Variants in ATP11A observed in about 807,000 individuals in gnomAD.
ATP11A encodes the protein ATPase phospholipid transporting 11A, also known as phospholipid-transporting ATPase IH.
In ATP11A, 81 loss-of-function variants were observed where a neutral mutation model predicts 154.4. That is an observed-to-expected ratio of 0.52 (90% CI 0.44 to 0.63). The LOEUF (loss-of-function observed/expected upper bound fraction) is 0.63, where lower values mean the gene tolerates loss of function less well. ATP11A is among the 30% of genes least tolerant of loss of function. The probability of loss-of-function intolerance (pLI) is 0.00; values close to 1 mark genes in which losing one functional copy is unlikely to be tolerated. For synonymous variants in ATP11A, 623 were observed against 585.9 expected (o/e 1.06, Z -0.91); for missense variants, 1,316 against 1,474.3 (o/e 0.89, Z 1.76).
chr13:112,805,902 C>T (rs1032074566), intron 3 of ATP11A, among the ~76,000 whole-genome samples: 1 of 151,750 alleles, frequency 6.6e-6, no homozygotes, highest in Admixed American at 6.6e-5. Flanking sequence ...TTATTCAAAT[C>T]ATGTAATTAA....
At chr13:112,766,501 G>A (rs904129326) in intron 1 of ATP11A, among the ~76,000 whole-genome samples, 4 of 152,146 alleles carry the variant, frequency 2.6e-5, no homozygotes, top group Non-Finnish European at 4.4e-5. Context: ...CGTCCAGAAG[G>A]TGCGTCCCGG....
rs530086946 is a variant in ATP11A at position 112,810,524 on chromosome 13, A to G, written c.334-95A>G. 1.3e-5 allele frequency: 13 copies of G among 1,012,162 alleles called. No individual in the cohort carries two copies. The South Asian group carries it at 1.5e-4, about 12-fold the overall frequency. 62.7% of individuals were successfully genotyped at this position (1,012,162 alleles called of 1,614,324 possible). A position where few individuals can be genotyped will look rare whatever the true frequency, so the allele number is the denominator to read the frequency against. The stretch of plus-strand genomic sequence containing the variant: ...CCCCACAGGCTTGGATTATGCTTAG[A>G]CATAATTAAACACAAGCCTTCTGTC... On this transcript the variant is annotated intron_variant, in intron 4 of 29. Transcript: ENST00000375645.
intron 1 of ATP11A, among the ~76,000 whole-genome samples, chr13:112,742,278 G>A (rs1566412154): frequency 6.6e-6 from 1 of 152,328 alleles, no homozygotes; most frequent in African/African-American, 2.4e-5. Context: ...CCCTTGGGGG[G>A]TGGGGGAGAC....
chr13:112,808,466 G>C (rs553622069), intron 4 of ATP11A, among the ~76,000 whole-genome samples: 1 of 151,998 alleles, frequency 6.6e-6, no homozygotes, highest in Non-Finnish European at 1.5e-5. Flanking sequence ...GTGTGTGCCA[G>C]AGCCCCCCCA....
chr13:112,881,457 G>A lies in ATP11A; in HGVS notation c.*10-419G>A, dbSNP rs59110136. On this transcript the variant is annotated intron_variant, in intron 29 of 29. Coordinates refer to ENST00000375645, the MANE Select transcript of ATP11A (RefSeq NM_015205.3). ...GTCTCTGGGTACCGGTATGGCGTTC[G>A]AGCTCACTGCACAGGAAGCCAGCTA... 7,390 of 1,068,934 alleles carry A rather than the reference G, an allele frequency of 6.9e-3. 406 individuals carry two copies. In the African/African-American group the frequency reaches 0.11, roughly 16 times the overall value. The allele number at this position is 1,068,934 out of a possible 1,614,324, so 66.2% of individuals were successfully genotyped here.
intron 5 of ATP11A, 78 bp downstream of exon 5, chr13:112,810,804 C>T: frequency 7.9e-7 from 1 of 1,261,612 alleles, no homozygotes; most frequent in Non-Finnish European, 1.1e-6. Flanking sequence ...GGTGCAGTGG[C>T]TCGCGCCTCC....
chr13:112,813,949 G>T (rs73569012), intron 5 of ATP11A, among the ~76,000 whole-genome samples: 1,682 of 152,106 alleles, frequency 0.011, 33 homozygotes, highest in African/African-American at 0.038. Flanking sequence ...ATATAATCTA[G>T]ATAGTAATAC....
chr13:112,863,339 G>A (rs71446662), intron 25 of ATP11A, among the ~76,000 whole-genome samples: 17 of 125,046 alleles, frequency 1.4e-4, no homozygotes, highest in South Asian at 8.3e-4. Flanking sequence ...TCCCAGCGGG[G>A]TCCATCACCA....
At chr13:112,804,706 A>G (rs999572772) in intron 2 of ATP11A, among the ~76,000 whole-genome samples, 11 of 151,948 alleles carry the variant, frequency 7.2e-5, no homozygotes, top group Admixed American at 1.3e-4. Flanking sequence ...TAATCAAACT[A>G]TTGTTGAGCT....
In ATP11A at chr13:112,818,250, G is replaced by A. The variant is rs374338027; in HGVS notation, c.571-1054G>A. ...GTGACGGGGCGGTGACCGTTGGTGCGCTTGGTGACGGGGCGATGACCGTTG... is the reference window on the plus strand; with the variant it reads ...GTGACGGGGCGGTGACCGTTGGTGCACTTGGTGACGGGGCGATGACCGTTG... On this transcript the variant is annotated intron_variant, in intron 6 of 29. Coordinates refer to ENST00000375645, the MANE Select transcript of ATP11A (RefSeq NM_015205.3). 1.7e-4 allele frequency among the ~76,000 whole-genome samples: 26 copies of A among 151,044 alleles called. No homozygotes were observed. The South Asian group carries it at 4.0e-3, about 23-fold the overall frequency.
At chr13:112,810,366 G>A (rs976203626) in intron 4 of ATP11A, among the ~76,000 whole-genome samples, 5 of 152,276 alleles carry the variant, frequency 3.3e-5, no homozygotes, top group East Asian at 1.9e-4. Flanking sequence ...TACACACTTC[G>A]ATGAGCATCT....
chr13:112,770,255 C>A (rs2077194659), intron 1 of ATP11A, among the ~76,000 whole-genome samples: 1 of 152,224 alleles, frequency 6.6e-6, no homozygotes, highest in Admixed American at 6.5e-5. Context: ...TGGCACCCCA[C>A]ATTTCCCAGG....
intron 1 of ATP11A, among the ~76,000 whole-genome samples, chr13:112,773,179 G>T (rs2077265995): frequency 6.6e-6 from 1 of 151,716 alleles, no homozygotes; most frequent in African/African-American, 2.4e-5. Flanking sequence ...ATCGCCTCTG[G>T]GTTCTGATGA....
intron 28 of ATP11A, among the ~76,000 whole-genome samples, chr13:112,876,332 G>C (rs767665581): frequency 1.3e-5 from 2 of 152,054 alleles, no homozygotes; most frequent in Non-Finnish European, 2.9e-5. Context: ...TGCTGGTATT[G>C]GTGGAGCTGC....
At chr13:112,775,415 C>A (rs2139971592) in intron 1 of ATP11A, among the ~76,000 whole-genome samples, 1 of 152,334 alleles carries the variant, frequency 6.6e-6, no homozygotes, top group Admixed American at 6.5e-5. Flanking sequence ...AGGAGGAACC[C>A]CTCCCAGCAG....
chr13:112,816,858 T>C (rs954983278), intron 6 of ATP11A, among the ~76,000 whole-genome samples: 1 of 152,218 alleles, frequency 6.6e-6, no homozygotes, highest in African/African-American at 2.4e-5. Context: ...ATTTAATGAA[T>C]AGATTGTTGG....
chr13:112,708,079 G>A (rs1594358754), intron 1 of ATP11A, among the ~76,000 whole-genome samples: 1 of 152,118 alleles, frequency 6.6e-6, no homozygotes, highest in African/African-American at 2.4e-5. Context: ...GGAAAAATTG[G>A]GCTGCGAAGT....
intron 5 of ATP11A, among the ~76,000 whole-genome samples, chr13:112,815,852 G>A (rs1243667180): frequency 6.6e-6 from 1 of 152,150 alleles, no homozygotes; most frequent in East Asian, 1.9e-4. Context: ...AGATAACCTT[G>A]TTACAGGTGT....
intron 18 of ATP11A, chr13:112,851,484 A>G (rs1045048044): frequency 1.4e-5 from 5 of 356,224 alleles, no homozygotes; most frequent in Non-Finnish European, 2.5e-5. Context: ...GTCATATCAT[A>G]TTATGAACAG....
Sources: gnomAD v4.1 joint callset for allele counts (sites outside exome capture counted in the v4.1 genomes callset) on GRCh38, gnomAD v4.1.1 for gene constraint, MANE v1.5 for transcripts, NCBI Gene and HGNC (gene_info 2026-07-23, HGNC 2026-07-21) for gene names.